PLEKHA8: variants seen among roughly 807,000 people sequenced by gnomAD.
The protein encoded by PLEKHA8 is pleckstrin homology domain-containing family A member 8.
PLEKHA8 carries 36 observed loss-of-function variants against 68.2 expected under a neutral mutation model. The ratio of observed to expected loss-of-function variants is 0.53; its 90% CI spans 0.40 to 0.70. PLEKHA8 has a LOEUF of 0.70. PLEKHA8 is among the 30% of genes least tolerant of loss of function. The probability of loss-of-function intolerance (pLI) is 0.00; values close to 1 mark genes in which losing one functional copy is unlikely to be tolerated. For synonymous variants in PLEKHA8, 211 were observed against 216.1 expected, an observed-to-expected ratio of 0.98 and a Z score of 0.20; for missense variants, 505 against 615.4, an observed-to-expected ratio of 0.82 and a Z score of 1.90.
At position 30,054,778 on chromosome 7, in the gene PLEKHA8, C is replaced by T. The variant is rs544907592; in HGVS notation, c.866C>T (p.Ser289Phe). Residue 289 changes from serine (S) to phenylalanine (F), a missense_variant, in exon 8 of 14, where the codon TCT becomes TTT. By Grantham distance (155) the Ser-to-Phe change is radical (BLOSUM62 -2). Transcript: ENST00000449726. ...LKNHDNNLTQ[S>F]GSDSSCSPEC... ...AATCATGACAATAACTTGACTCAGTCTGGATCAGACTCAAGTTGCTCTCCG... is the reference window on the plus strand; with the variant it reads ...AATCATGACAATAACTTGACTCAGTTTGGATCAGACTCAAGTTGCTCTCCG... 14 of 1,609,486 alleles carry T rather than the reference C, an allele frequency of 8.7e-6. No individual in the cohort carries two copies. The East Asian group carries it at 2.0e-4, about 23-fold the overall frequency.
Position 30,041,586 on chromosome 7 carries a change from G to T in PLEKHA8, c.41-3499G>T, listed in dbSNP as rs1472226531. 2.6e-5 allele frequency among the ~76,000 whole-genome samples: 4 copies of T among 151,790 alleles called. No homozygotes were observed. In the East Asian group the frequency reaches 5.8e-4, roughly 22 times the overall value. On this transcript the variant is annotated intron_variant, in intron 1 of 13. Transcript: ENST00000449726. ...TTTTTAAAATTTTTTGTTGAGACAG[G>T]GTCTCACTATGTTGACTAGGCTGGT...
At chr7:30,050,692 C>CACCA in intron 6 of PLEKHA8, 1 of 467,790 alleles carries the variant, frequency 2.1e-6, no homozygotes, top group South Asian at 3.8e-5. Context: ...TGGCATTTTC[C>CACCA]CTAAGATGGA....
At chr7:30,099,353 A>G (rs1267325778) in intron 13 of PLEKHA8, among the ~76,000 whole-genome samples, 1 of 152,242 alleles carries the variant, frequency 6.6e-6, no homozygotes, top group Admixed American at 6.5e-5. Context: ...GCAGTGTAGT[A>G]ATGGACATAA....
Position 30,080,916 on chromosome 7 carries a change from C to T in PLEKHA8, c.*2129C>T, listed in dbSNP as rs1794898174. ...ATTGTACCATTTAGCGGGGATGATA[C>T]CAGGTGGTTGTTAGAATTGTGCAGT... On this transcript the variant is annotated 3_prime_UTR_variant, in exon 14 of 14. Transcript: ENST00000449726. 1 of 985,224 alleles carries T rather than the reference C, an allele frequency of 1.0e-6. No individual in the cohort carries two copies. The highest frequency in any genetic ancestry group is 4.7e-5 in the South Asian group (1 of 21,282). 61.0% of individuals were successfully genotyped at this position (985,224 alleles called of 1,614,324 possible).
intron 1 of PLEKHA8, among the ~76,000 whole-genome samples, chr7:30,031,999 C>T (rs976597442): frequency 2.6e-5 from 4 of 151,892 alleles, no homozygotes; most frequent in African/African-American, 7.3e-5. Context: ...CATGTATTTT[C>T]GTTTACAGTC....
At position 30,046,049 on chromosome 7, in the gene PLEKHA8, A is replaced by G. The variant is rs73686286; in HGVS notation, c.158-161A>G. 2.9e-3 allele frequency among the ~76,000 whole-genome samples: 441 copies of G among 152,336 alleles called. 2 individuals are homozygous for G. The highest frequency in any genetic ancestry group is 9.8e-3 in the African/African-American group (406 of 41,566). ...CAGAGACATCTAAGATGAGATAAGT[A>G]AACAGAACTTTGTGTGAATTAGGAG... On this transcript the variant is annotated intron_variant, in intron 2 of 13. Transcript: ENST00000449726.
intron 9 of PLEKHA8, among the ~76,000 whole-genome samples, chr7:30,060,035 G>T (rs974566817): frequency 1.3e-5 from 2 of 152,232 alleles, no homozygotes; most frequent in East Asian, 3.9e-4. Context: ...TACCTGGGAG[G>T]CTGAGGCAGG....
chr7:30,053,886 C>G (rs1359694973), intron 7 of PLEKHA8, among the ~76,000 whole-genome samples: 5 of 152,136 alleles, frequency 3.3e-5, no homozygotes, highest in Admixed American at 2.0e-4. Flanking sequence ...TTTTGTCTAC[C>G]AATCAATACA....
At chr7:30,129,384 G>A (rs1318967326) in exon 14 of PLEKHA8, 6 of 1,586,022 alleles carry the variant, frequency 3.8e-6, no homozygotes, top group Non-Finnish European at 5.2e-6. Flanking sequence ...AAACCCTGAT[G>A]ATAAAGAAGC....
chr7:30,093,465 T>C (rs1339151483), downstream of PLEKHA8, among the ~76,000 whole-genome samples: 2 of 152,242 alleles, frequency 1.3e-5, no homozygotes, highest in Admixed American at 6.5e-5. Flanking sequence ...CTTACCACTA[T>C]GTGGCTATGT....
chr7:30,061,013 G>T (rs372374044), intron 10 of PLEKHA8, 71 bp downstream of exon 10: 245 of 1,451,464 alleles, frequency 1.7e-4, no homozygotes, highest in Admixed American at 7.5e-4. Context: ...TTTGTGCTTG[G>T]CCAGAATAAA....
Position 30,079,555 on chromosome 7 carries a change from A to G in PLEKHA8, c.*768A>G, listed in dbSNP as rs1562536767. 5.5e-6 allele frequency: 5 copies of G among 911,052 alleles called. No individual in the cohort carries two copies. The highest frequency in any genetic ancestry group is 1.2e-4 in the East Asian group (1 of 8,454). The allele number at this position is 911,052 out of a possible 1,614,324, so 56.4% of individuals were successfully genotyped here. ...CCATGCATTATCTCAATTGGACATC[A>G]CAAGTAATGATACCCAGAGGGATTA... On this transcript the variant is annotated 3_prime_UTR_variant, in exon 14 of 14. Coordinates refer to ENST00000449726, the MANE Select transcript of PLEKHA8 (RefSeq NM_001197026.2).
chr7:30,061,904 A>G lies in PLEKHA8; in HGVS notation c.1106A>G (p.Asn369Ser). The change falls in exon 11 of 14, where the codon AAT becomes AGT. Residue 369 changes from asparagine (N) to serine (S), a missense_variant. Coordinates refer to ENST00000449726, the MANE Select transcript of PLEKHA8 (RefSeq NM_001197026.2). ...MDLVGNIKKV[N>S]QKYITNKEEF... ...TCCCTGCTTTCCCTCCAGAAAGTAA[A>G]TCAGAAGTATATAACCAACAAAGAA... is the stretch of plus-strand genomic sequence containing the variant. 1 of 1,613,954 alleles carries G rather than the reference A, an allele frequency of 6.2e-7. No homozygotes were observed. Among genetic ancestry groups the G allele is most frequent in the Non-Finnish European group, 8.5e-7 (1 of 1,179,998 alleles).
chr7:30,077,563 A>C lies in PLEKHA8; in HGVS notation c.1363-1027A>C, dbSNP rs191040724. Among the ~76,000 whole-genome samples, 61 of 152,318 alleles carry C rather than the reference A, an allele frequency of 4.0e-4. 1 individual carries two copies. The highest frequency in any genetic ancestry group is 1.3e-3 in the African/African-American group (55 of 41,572). The stretch of plus-strand genomic sequence containing the variant: ...AAATAAGGAAACTGAGATTCTAGGA[A>C]GTTAAGCACTTTGCATAAATTCCTC... On this transcript the variant is annotated intron_variant, in intron 13 of 13. Transcript: ENST00000449726.
chr7:30,122,467 C>T (rs1006992199), intron 13 of PLEKHA8, among the ~76,000 whole-genome samples: 1 of 152,192 alleles, frequency 6.6e-6, no homozygotes, highest in Non-Finnish European at 1.5e-5. Flanking sequence ...TTGTAAATTT[C>T]TCCTTTCCTT....
At chr7:30,052,659 A>AG in intron 6 of PLEKHA8, 50 bp from the exon 7 acceptor site, 1 of 1,411,508 alleles carries the variant, frequency 7.1e-7, no homozygotes. Flanking sequence ...AAAAAAAAAA[A>AG]AGACCAAATA....
At chr7:30,085,834 GGAA>G (rs549206550), downstream of PLEKHA8, among the ~76,000 whole-genome samples, 7 of 152,294 alleles carry the variant, frequency 4.6e-5, no homozygotes, top group African/African-American at 7.2e-5. Context: ...TGCAAGAGAA[GGAA>G]GAAGAAGAAG....
Position 30,061,952 on chromosome 7 carries a change from T to A in PLEKHA8, c.1154T>A (p.Ile385Lys). ...GAAGAGTTTACCACTCTCCAGAAGA[T>A]AGTGCTGCACGAAGTGGAGGCGGAT... The part of the protein sequence containing the change: ...NKEEFTTLQK[I>K]VLHEVEADVA... Residue 385 changes from isoleucine to lysine, a missense_variant, in exon 11 of 14, where the codon ATA becomes AAA. By Grantham distance (102) the Ile-to-Lys change is moderately radical. Transcript: ENST00000449726. 6.2e-7 allele frequency: 1 copy of A among 1,614,074 alleles called. No homozygotes were observed. The highest frequency in any genetic ancestry group is 1.1e-5 in the South Asian group (1 of 91,078).
chr7:30,060,282 A>C (rs1350104487), intron 9 of PLEKHA8, among the ~76,000 whole-genome samples: 2 of 152,050 alleles, frequency 1.3e-5, no homozygotes, highest in African/African-American at 4.8e-5. Context: ...CTCTACTGAA[A>C]ATACAAAAAT....
Sources: allele counts gnomAD v4.1 joint callset (sites outside exome capture counted in the v4.1 genomes callset), GRCh38; gene constraint gnomAD v4.1.1; transcripts MANE v1.5; gene names NCBI Gene and HGNC (gene_info 2026-07-23, HGNC 2026-07-21).